Variants in NRXN1 observed in about 807,000 individuals in gnomAD.
NRXN1 encodes neurexin 1.
Under a neutral mutation model 150.9 loss-of-function variants are expected in NRXN1, and 39 were observed. The ratio of observed to expected loss-of-function variants is 0.26; its 90% CI spans 0.20 to 0.34. The LOEUF (loss-of-function observed/expected upper bound fraction) is 0.34, where lower values mean the gene tolerates loss of function less well. Ranked by LOEUF, NRXN1 falls within the 10% of genes least tolerant of loss-of-function variation. The probability of loss-of-function intolerance (pLI) is 1.00; values close to 1 mark genes in which losing one functional copy is unlikely to be tolerated. For synonymous variants in NRXN1, 924 were observed against 757.0 expected (o/e 1.22, Z -3.62); for missense variants, 1,815 against 1,949.9 (o/e 0.93, Z 1.30).
chr2:50,995,958 C>T (rs1046377537), intron 2 of NRXN1, among the ~76,000 whole-genome samples: 5 of 151,934 alleles, frequency 3.3e-5, no homozygotes, highest in African/African-American at 1.2e-4. Flanking sequence ...ATTTTAATGG[C>T]TAAGTATTTA....
At chr2:50,289,513 T>G (rs1197157392) in intron 17 of NRXN1, among the ~76,000 whole-genome samples, 2 of 152,160 alleles carry the variant, frequency 1.3e-5, no homozygotes, top group African/African-American at 4.8e-5. Flanking sequence ...AAAAGGTACC[T>G]TAATAGAAAC....
At chr2:50,797,816 A>G (rs955365601) in intron 5 of NRXN1, among the ~76,000 whole-genome samples, 1 of 152,188 alleles carries the variant, frequency 6.6e-6, no homozygotes, top group Non-Finnish European at 1.5e-5. Flanking sequence ...TAGTTCAAAT[A>G]TATTTTGACC....
chr2:50,057,080 A>T (rs1693768807), intron 19 of NRXN1, among the ~76,000 whole-genome samples: 1 of 152,156 alleles, frequency 6.6e-6, no homozygotes, highest in Non-Finnish European at 1.5e-5. Context: ...CCCATTTTCC[A>T]TATAAGCCAA....
intron 5 of NRXN1, among the ~76,000 whole-genome samples, chr2:50,741,709 A>G (rs1699452692): frequency 6.6e-6 from 1 of 152,034 alleles, no homozygotes; most frequent in African/African-American, 2.4e-5. Context: ...TTTCCACTCC[A>G]TTTTCTTCAT....
intron 21 of NRXN1, among the ~76,000 whole-genome samples, chr2:50,043,285 A>G (rs2152595029): frequency 6.6e-6 from 1 of 152,298 alleles, no homozygotes; most frequent in Non-Finnish European, 1.5e-5. Context: ...CTCTCTTTGG[A>G]CAGTGGAAAG....
At chr2:50,897,566 T>C (rs1682190719) in intron 5 of NRXN1, among the ~76,000 whole-genome samples, 1 of 152,248 alleles carries the variant, frequency 6.6e-6, no homozygotes, top group Admixed American at 6.5e-5. Context: ...CATAATTTAA[T>C]ATTCCTATCA....
chr2:50,556,408 C>G (rs1005789806), intron 8 of NRXN1, among the ~76,000 whole-genome samples: 2 of 151,714 alleles, frequency 1.3e-5, no homozygotes, highest in African/African-American at 4.8e-5. Context: ...CACTTTTGAA[C>G]AAGTTTCTAT....
chr2:50,084,688 C>T (rs114865770), intron 19 of NRXN1, among the ~76,000 whole-genome samples: 1,805 of 152,294 alleles, frequency 0.012, 48 homozygotes, highest in African/African-American at 0.042. Flanking sequence ...GCTCCTCAAG[C>T]GTGGCTGAAT....
intron 12 of NRXN1, among the ~76,000 whole-genome samples, chr2:50,513,986 T>C (rs1478373525): frequency 6.6e-6 from 1 of 152,202 alleles, no homozygotes; most frequent in Non-Finnish European, 1.5e-5. Context: ...CTTTATGGTG[T>C]ACCCTGCTTC....
At chr2:50,336,427 G>T (rs958960766) in intron 17 of NRXN1, among the ~76,000 whole-genome samples, 1 of 152,052 alleles carries the variant, frequency 6.6e-6, no homozygotes, top group Admixed American at 6.5e-5. Flanking sequence ...AATCTTCAAG[G>T]CTTCATAATT....
intron 2 of NRXN1, among the ~76,000 whole-genome samples, chr2:50,955,589 G>A (rs558195190): frequency 1.3e-5 from 2 of 152,292 alleles, no homozygotes; most frequent in African/African-American, 4.8e-5. Flanking sequence ...ACTGTCAACA[G>A]CAGAACAGTG....
At chr2:50,248,865 G>C (rs945924333) in intron 17 of NRXN1, among the ~76,000 whole-genome samples, 1 of 151,950 alleles carries the variant, frequency 6.6e-6, no homozygotes, top group Admixed American at 6.6e-5. Context: ...ATACGTTTTG[G>C]GCTGGGTATG....
At chr2:50,721,844 G>A (rs1212753962) in intron 5 of NRXN1, among the ~76,000 whole-genome samples, 1 of 152,084 alleles carries the variant, frequency 6.6e-6, no homozygotes, top group Non-Finnish European at 1.5e-5. Flanking sequence ...TAATATGGGT[G>A]TTAGTATCTG....
intron 18 of NRXN1, among the ~76,000 whole-genome samples, chr2:50,219,979 TATATA>T (rs1316496988): frequency 2.1e-5 from 1 of 47,154 alleles, no homozygotes; most frequent in Non-Finnish European, 3.4e-5. Flanking sequence ...ATATATAATA[TATATA>T]TTATATATAA....
At chr2:50,113,097 C>G (rs116633875) in intron 18 of NRXN1, among the ~76,000 whole-genome samples, 1 of 152,132 alleles carries the variant, frequency 6.6e-6, no homozygotes, top group Non-Finnish European at 1.5e-5. Flanking sequence ...GATTTGATTC[C>G]TGCTCAGTGA....
At chr2:50,486,284 C>T (rs1228630224) in intron 15 of NRXN1, among the ~76,000 whole-genome samples, 1 of 151,954 alleles carries the variant, frequency 6.6e-6, no homozygotes, top group African/African-American at 2.4e-5. Flanking sequence ...GTGACAATAA[C>T]GAAGGTAATT....
intron 2 of NRXN1, among the ~76,000 whole-genome samples, chr2:50,943,484 C>G (rs1369375945): frequency 6.6e-6 from 1 of 152,156 alleles, no homozygotes; most frequent in Non-Finnish European, 1.5e-5. Flanking sequence ...TTCTATTTCT[C>G]TTTTTAGACC....
At chr2:50,055,186 ATG>A (rs1373959303) in intron 19 of NRXN1, 142 bp from the exon 20 acceptor site, 2 of 560,980 alleles carry the variant, frequency 3.6e-6, no homozygotes, top group Non-Finnish European at 6.3e-6. Context: ...AGAACATTTC[ATG>A]TTTCAGACTT....
chr2:50,206,864 C>A (rs1236683135), intron 18 of NRXN1, among the ~76,000 whole-genome samples: 1 of 149,580 alleles, frequency 6.7e-6, no homozygotes, highest in Non-Finnish European at 1.5e-5. Context: ...TATATACACA[C>A]ACACACAGAA....
Sources: gnomAD v4.1 joint callset for allele counts (sites outside exome capture counted in the v4.1 genomes callset) on GRCh38, gnomAD v4.1.1 for gene constraint, MANE v1.5 for transcripts, NCBI Gene and HGNC (gene_info 2026-07-23, HGNC 2026-07-21) for gene names.